The following FANCL variants were observed in gnomAD, a reference collection of about 807,000 sequenced individuals.
FANCL encodes the protein FA complementation group L.
In FANCL, 69 loss-of-function variants were observed where a neutral mutation model predicts 59.4. That is an observed-to-expected ratio of 1.16 (90% CI 0.96 to 1.42). The LOEUF is 1.42. FANCL is among the 40% of genes most tolerant of loss of function. The pLI, the probability that FANCL is intolerant of heterozygous loss-of-function variation, is 0.00. For missense variants in FANCL, 519 were observed against 447.2 expected (o/e 1.16, Z -1.45); for synonymous variants, 180 against 147.1 (o/e 1.22, Z -1.62).
intron 1 of FANCL, among the ~76,000 whole-genome samples, chr2:58,237,349 G>C (rs1334371738): frequency 6.6e-6 from 1 of 151,962 alleles, no homozygotes; most frequent in East Asian, 1.9e-4. Context: ...TATTGAGAAA[G>C]ATAATCATAA....
intron 1 of FANCL, among the ~76,000 whole-genome samples, chr2:58,233,982 G>A (rs1012537680): frequency 2.0e-5 from 3 of 151,882 alleles, no homozygotes; most frequent in Admixed American, 1.3e-4. Flanking sequence ...CCCAGCACTC[G>A]CCAACATTTC....
intron 5 of FANCL, among the ~76,000 whole-genome samples, chr2:58,220,411 C>T (rs868101415): frequency 6.6e-6 from 1 of 152,152 alleles, no homozygotes; most frequent in South Asian, 2.1e-4. Flanking sequence ...AATTGATCTA[C>T]ACATAAGAAG....
chr2:58,172,182 A>G (rs959038180), intron 7 of FANCL, among the ~76,000 whole-genome samples: 2 of 152,218 alleles, frequency 1.3e-5, no homozygotes, highest in Non-Finnish European at 2.9e-5. Context: ...GGCACAGACA[A>G]ACAAAAAGAC....
chr2:58,179,995 A>G (rs951966643), intron 7 of FANCL, among the ~76,000 whole-genome samples: 2 of 152,240 alleles, frequency 1.3e-5, no homozygotes, highest in African/African-American at 4.8e-5. Flanking sequence ...TGGTCATTAG[A>G]AAAATGCAAA....
intron 7 of FANCL, among the ~76,000 whole-genome samples, chr2:58,176,736 T>C (rs1687360151): frequency 6.6e-6 from 1 of 152,122 alleles, no homozygotes; most frequent in Non-Finnish European, 1.5e-5. Context: ...ACTTCATGTC[T>C]AAAACACCAA....
At chr2:58,230,027 T>C (rs1693416776) in intron 2 of FANCL, among the ~76,000 whole-genome samples, 153 bp from the exon 3 acceptor site, 1 of 152,248 alleles carries the variant, frequency 6.6e-6, no homozygotes, top group South Asian at 2.1e-4. Flanking sequence ...GTTCAAAGTC[T>C]TGTCTTCAAA....
intron 2 of FANCL, 110 bp downstream of exon 2, chr2:58,231,944 T>C (rs1344833300): frequency 1.2e-6 from 1 of 860,636 alleles, no homozygotes; most frequent in South Asian, 1.4e-5. Context: ...GGCAAATGAC[T>C]AATAAGCATT....
At position 58,163,918 on chromosome 2, in the gene FANCL, A is replaced by G. The variant is rs528460616; in HGVS notation, c.692-401T>C. ...GAAAAAGTTTACATTTCATAGAACTATGGCCAAATGTAAAAAGACCAACAA... is the reference window on the plus strand; with the variant it reads ...GAAAAAGTTTACATTTCATAGAACTGTGGCCAAATGTAAAAAGACCAACAA... On this transcript the variant is annotated intron_variant, in intron 8 of 13. Coordinates refer to ENST00000233741, the MANE Select transcript of FANCL (RefSeq NM_018062.4). 3.3e-5 allele frequency among the ~76,000 whole-genome samples: 5 copies of G among 152,132 alleles called. No individual in the cohort carries two copies. The South Asian group carries it at 6.2e-4, about 19-fold the overall frequency.
chr2:58,222,478 C>T (rs987386991), intron 4 of FANCL, among the ~76,000 whole-genome samples: 1 of 151,948 alleles, frequency 6.6e-6, no homozygotes, highest in African/African-American at 2.4e-5. Flanking sequence ...CATTATGAAC[C>T]ACATCCTAAC....
chr2:58,236,481 C>A (rs1348479169), intron 1 of FANCL, among the ~76,000 whole-genome samples: 1 of 149,304 alleles, frequency 6.7e-6, no homozygotes, highest in Non-Finnish European at 1.5e-5. Flanking sequence ...AAAACACACA[C>A]ACACACAGCC....
intron 5 of FANCL, among the ~76,000 whole-genome samples, chr2:58,219,516 A>G (rs1692261722): frequency 6.6e-6 from 1 of 151,814 alleles, no homozygotes; most frequent in African/African-American, 2.4e-5. Flanking sequence ...AAGTGTGGAG[A>G]GAGAGAAAAA....
At chr2:58,195,686 A>G (rs1304239342) in intron 7 of FANCL, among the ~76,000 whole-genome samples, 2 of 152,180 alleles carry the variant, frequency 1.3e-5, no homozygotes, top group Non-Finnish European at 2.9e-5. Context: ...AAATATAGAT[A>G]AAATGTTTAT....
chr2:58,168,757 G>C (rs1319218128), intron 7 of FANCL, among the ~76,000 whole-genome samples: 2 of 152,110 alleles, frequency 1.3e-5, no homozygotes, highest in South Asian at 2.1e-4. Context: ...CTCAAGCTTG[G>C]TGGGGGAAGG....
intron 4 of FANCL, among the ~76,000 whole-genome samples, chr2:58,223,032 T>C (rs1160063442): frequency 6.6e-6 from 1 of 151,540 alleles, no homozygotes; most frequent in African/African-American, 2.4e-5. Flanking sequence ...GATAGGACAC[T>C]ATCAAATTGA....
chr2:58,164,098 A>G (rs897847142), intron 8 of FANCL, among the ~76,000 whole-genome samples: 33 of 152,196 alleles, frequency 2.2e-4, no homozygotes, highest in African/African-American at 5.8e-4. Context: ...AACCAAAACA[A>G]TAAGTAACCT....
At chr2:58,235,305 A>G (rs1450746530) in intron 1 of FANCL, among the ~76,000 whole-genome samples, 1 of 152,096 alleles carries the variant, frequency 6.6e-6, no homozygotes, top group African/African-American at 2.4e-5. Context: ...AACAGTCTGC[A>G]AAACAATCTC....
rs1690385740 is a variant in FANCL, at chr2:58,204,554, T to G, written c.375-328A>C. 3.3e-5 allele frequency among the ~76,000 whole-genome samples: 5 copies of G among 152,240 alleles called. No individual in the cohort carries two copies. The South Asian group carries it at 1.0e-3, about 32-fold the overall frequency. On this transcript the variant is annotated intron_variant, in intron 5 of 13. Transcript: ENST00000233741. ...ATGTTCCTGTCAGCCTCTACTTATG[T>G]ACACATTAAACTTCCTGTCAAACTC...
At position 58,162,879 on chromosome 2, in the gene FANCL, A is replaced by G. The variant is rs1410341158; in HGVS notation, c.890T>C (p.Ile297Thr). 1 of 1,612,032 alleles carries G rather than the reference A, an allele frequency of 6.2e-7. No homozygotes were observed. Among genetic ancestry groups the G allele is most frequent in the Non-Finnish European group, 8.5e-7 (1 of 1,178,564 alleles). Residue 297 changes from isoleucine to threonine, a missense_variant, in exon 11 of 14, where the codon ATC becomes ACC. By Grantham distance (89) the Ile-to-Thr change is moderately conservative (BLOSUM62 -1). Coordinates refer to ENST00000233741, the MANE Select transcript of FANCL (RefSeq NM_018062.4). The stretch of plus-strand genomic sequence containing the variant: ...GATAAAACTTACAGATTTTTCCAGG[A>G]TAGCACGAGCTGGAAAATCAATTTC... Reference protein sequence around the residue: ...VLEIDFPARAILEKSDFTMDC... With the variant: ...VLEIDFPARATLEKSDFTMDC...
chr2:58,213,905 T>C (rs1449361144), intron 5 of FANCL, among the ~76,000 whole-genome samples: 4 of 152,194 alleles, frequency 2.6e-5, no homozygotes, highest in African/African-American at 4.8e-5. Context: ...TGTGACTATC[T>C]CCAGGTAGTT....
Sources: gnomAD v4.1 joint callset for allele counts (sites outside exome capture counted in the v4.1 genomes callset) on GRCh38, gnomAD v4.1.1 for gene constraint, MANE v1.5 for transcripts, NCBI Gene and HGNC (gene_info 2026-07-23, HGNC 2026-07-21) for gene names.